UBE3A: variants seen among roughly 807,000 people sequenced by gnomAD.
The protein encoded by UBE3A is ubiquitin protein ligase E3A, also known as ubiquitin-protein ligase E3A.
UBE3A carries 6 observed loss-of-function variants against 83.4 expected under a neutral mutation model. The observed-to-expected ratio is 0.07, with a 90% CI of 0.04 to 0.14. UBE3A has a LOEUF of 0.14. Ranked by LOEUF, UBE3A falls within the 10% of genes least tolerant of loss-of-function variation. The probability of loss-of-function intolerance (pLI) is 1.00; values close to 1 mark genes in which losing one functional copy is unlikely to be tolerated. For missense variants in UBE3A, 456 were observed against 1,036.1 expected (o/e 0.44, Z 7.69); for synonymous variants, 337 against 355.4 (o/e 0.95, Z 0.58).
chr15:25,415,739 T>G (rs1453407563), intron 1 of UBE3A: 5 of 151,898 alleles, frequency 3.3e-5, no homozygotes, highest in Admixed American at 3.3e-4. Flanking sequence ...TATACATTTG[T>G]CAGTGCCTCT....
At chr15:25,398,801 AT>A (rs1567068578) in intron 4 of UBE3A, among the ~76,000 whole-genome samples, 7 of 79,876 alleles carry the variant, frequency 8.8e-5, no homozygotes, top group African/African-American at 2.5e-4. Flanking sequence ...ATATATATAT[AT>A]ATATATATAT....
At chr15:25,347,354 A>G (rs1437162337) in intron 11 of UBE3A, 1 of 152,188 alleles carries the variant, frequency 6.6e-6, no homozygotes, top group African/African-American at 2.4e-5. Context: ...GAATGGTGGT[A>G]AGTCACATTA....
intron 7 of UBE3A, among the ~76,000 whole-genome samples, chr15:25,359,977 G>A (rs892870619): frequency 2.0e-5 from 3 of 152,128 alleles, no homozygotes. Flanking sequence ...CTTTGAGCAT[G>A]ACATACTTGT....
chr15:25,423,921 C>T (rs1312449998), intron 1 of UBE3A, among the ~76,000 whole-genome samples: 1 of 152,160 alleles, frequency 6.6e-6, no homozygotes, highest in African/African-American at 2.4e-5. Context: ...AATTCAACCA[C>T]TTCTCACCAC....
intron 7 of UBE3A, 36 bp downstream of exon 7, chr15:25,360,347 G>C (rs753682159): frequency 1.2e-6 from 2 of 1,611,994 alleles, no homozygotes; most frequent in Non-Finnish European, 8.5e-7. Flanking sequence ...CTCAAAAGAT[G>C]ATACGACACC....
chr15:25,338,729 G>A lies in UBE3A; in HGVS notation c.*408C>T, dbSNP rs1307435432. The stretch of plus-strand genomic sequence containing the variant: ...ACAAATGGTGGCAATATTTTCCTTG[G>A]GAGAGTAGTTCTGTTGGTATATATT... On this transcript the variant is annotated 3_prime_UTR_variant, in exon 13 of 13. Coordinates refer to ENST00000648336, the MANE Select transcript of UBE3A (RefSeq NM_130839.5). 6.6e-6 allele frequency: 1 copy of A among 152,340 alleles called. No individual in the cohort carries two copies. Among genetic ancestry groups the A allele is most frequent in the African/African-American group, 2.4e-5 (1 of 41,380 alleles). 9.4% of individuals were successfully genotyped at this position (152,340 alleles called of 1,614,324 possible).
Position 25,370,465 on chromosome 15 carries a change from G to T in UBE3A, c.1608+101C>A. 1.5e-6 allele frequency: 2 copies of T among 1,363,448 alleles called. No individual in the cohort carries two copies. Among genetic ancestry groups the T allele is most frequent in the Non-Finnish European group, 2.1e-6 (2 of 952,708 alleles). The allele number at this position is 1,363,448 out of a possible 1,614,324, so 84.5% of individuals were successfully genotyped here. On this transcript the variant is annotated intron_variant, in intron 6 of 12. Transcript: ENST00000648336. The surrounding 1 kb of genome is among the most constrained non-coding windows in gnomAD (Gnocchi z 4.2). ...ATCAGAAATGTCCATGTGTTCCTAT[G>T]CTATATGGTATCATTTTTTTCAGTC...
chr15:25,436,193 AC>A (rs1252874462), intron 1 of UBE3A, among the ~76,000 whole-genome samples: 1 of 152,246 alleles, frequency 6.6e-6, no homozygotes, highest in Non-Finnish European at 1.5e-5. Flanking sequence ...TTTGTCCTGA[AC>A]CAACATAAAA....
intron 4 of UBE3A, among the ~76,000 whole-genome samples, chr15:25,392,887 T>C (rs528139974): frequency 1.0e-3 from 153 of 152,294 alleles, no homozygotes; most frequent in African/African-American, 3.6e-3. Flanking sequence ...TAAGTAATTC[T>C]TTTTTTAGCC....
Position 25,356,889 on chromosome 15 carries a change from G to A in UBE3A, c.1761C>T (p.Phe587=). The change falls in exon 8 of 13, where the codon TTC becomes TTT. Residue 587 remains phenylalanine (F), a synonymous_variant. Coordinates refer to ENST00000648336, the MANE Select transcript of UBE3A (RefSeq NM_130839.5). The stretch of plus-strand genomic sequence containing the variant: ...ACAATTTTGTAGATTCATCGTATGT[G>A]AACATACCTATAAGAAATGATTTTT... The part of the protein sequence containing the change: ...EEIFNPDIGM[F]TYDESTKLFW... 6.2e-7 allele frequency: 1 copy of A among 1,611,764 alleles called. No homozygotes were observed. The highest frequency in any genetic ancestry group is 8.5e-7 in the Non-Finnish European group (1 of 1,178,300).
At chr15:25,388,957 A>G (rs570316696) in intron 4 of UBE3A, among the ~76,000 whole-genome samples, 2 of 152,336 alleles carry the variant, frequency 1.3e-5, no homozygotes, top group East Asian at 3.9e-4. Context: ...ACTCTGATGA[A>G]AGAAATCAAA....
rs142782577 is a variant in UBE3A, at chr15:25,377,198, T to G, written c.63-1435A>C. The stretch of plus-strand genomic sequence containing the variant: ...AACAATTAACAAGGCAGCAAGTAAG[T>G]GAAGAAACACACGAGATCCAATTTT... On this transcript the variant is annotated intron_variant, in intron 4 of 12. Coordinates refer to ENST00000648336, the MANE Select transcript of UBE3A (RefSeq NM_130839.5). Among the ~76,000 whole-genome samples the G allele has an allele frequency of 2.4e-4, 36 of 152,280 alleles. No homozygotes were observed. The East Asian group carries it at 6.8e-3, about 29-fold the overall frequency.
intron 11 of UBE3A, among the ~76,000 whole-genome samples, chr15:25,341,206 A>G (rs112904369): frequency 0.063 from 9,496 of 150,332 alleles, 734 homozygotes; most frequent in African/African-American, 0.19. Flanking sequence ...AGTGGCTGGG[A>G]CTATAGGTGC....
intron 4 of UBE3A, among the ~76,000 whole-genome samples, chr15:25,401,092 C>T (rs2086967143): frequency 6.6e-6 from 1 of 152,082 alleles, no homozygotes; most frequent in Non-Finnish European, 1.5e-5. Context: ...CCTTTGTTCT[C>T]CTAATGTTGT....
chr15:25,409,153 C>T lies in UBE3A; in HGVS notation c.-46G>A, dbSNP rs2089395965. On this transcript the variant is annotated 5_prime_UTR_variant, in exon 3 of 13. Coordinates refer to ENST00000648336, the MANE Select transcript of UBE3A (RefSeq NM_130839.5). ...ACAGCTTTGAGTCACTGATTAAAAA[C>T]AGGTTGTCACACCAGTCTAGCTGCT... is the stretch of plus-strand genomic sequence containing the variant. 6.3e-7 allele frequency: 1 copy of T among 1,582,604 alleles called. No individual in the cohort carries two copies. The highest frequency in any genetic ancestry group is 8.6e-7 in the Non-Finnish European group (1 of 1,160,802).
At chr15:25,432,103 C>T (rs1298935132) in intron 1 of UBE3A, among the ~76,000 whole-genome samples, 1 of 152,100 alleles carries the variant, frequency 6.6e-6, no homozygotes, top group Non-Finnish European at 1.5e-5. Context: ...AATTCCTGTA[C>T]TGTTACATGC....
At chr15:25,434,273 T>TC (rs759235940) in intron 1 of UBE3A, among the ~76,000 whole-genome samples, 6 of 151,934 alleles carry the variant, frequency 3.9e-5, no homozygotes, top group Non-Finnish European at 5.9e-5. Flanking sequence ...TATTAATAAG[T>TC]CATTTGATTA....
intron 4 of UBE3A, among the ~76,000 whole-genome samples, chr15:25,393,132 C>T (rs1014801175): frequency 2.0e-5 from 3 of 152,060 alleles, no homozygotes; most frequent in East Asian, 3.9e-4. Flanking sequence ...GGCAAGCAAT[C>T]CAGTTAGGTA....
chr15:25,399,255 G>T (rs947035108), intron 4 of UBE3A, among the ~76,000 whole-genome samples: 2 of 151,868 alleles, frequency 1.3e-5, no homozygotes, highest in African/African-American at 4.8e-5. Flanking sequence ...CTTCGAGGGG[G>T]TCATATCCAA....
Sources: allele counts gnomAD v4.1 joint callset (sites outside exome capture counted in the v4.1 genomes callset), GRCh38; gene constraint gnomAD v4.1.1; non-coding constraint Gnocchi (gnomAD v3.1); transcripts MANE v1.5; gene names NCBI Gene and HGNC (gene_info 2026-07-23, HGNC 2026-07-21).